Variants in NPEPL1 observed in about 807,000 individuals in gnomAD.
NPEPL1 encodes the protein aminopeptidase like 1.
Under a neutral mutation model 52.4 loss-of-function variants are expected in NPEPL1, and 45 were observed. The observed-to-expected ratio is 0.86, with a 90% CI of 0.68 to 1.10. The LOEUF is 1.10. Ranked by LOEUF, NPEPL1 falls within the 50% of genes least tolerant of loss-of-function variation. NPEPL1 has a pLI of 0.00. For missense variants in NPEPL1, 696 were observed against 710.9 expected, an observed-to-expected ratio of 0.98 and a Z score of 0.24; for synonymous variants, 360 against 314.7, an observed-to-expected ratio of 1.14 and a Z score of -1.52.
At position 58,694,529 on chromosome 20, in the gene NPEPL1, G is replaced by C. The variant is rs374171424; in HGVS notation, c.444G>C (p.Thr148=). The change falls in exon 3 of 12, where the codon ACG becomes ACC. Residue 148 remains threonine (T), a synonymous_variant. Coordinates refer to ENST00000356091, the MANE Select transcript of NPEPL1 (RefSeq NM_024663.4). ...CCTCTCGGCGCTTGGAGAAGAAGAC[G>C]GTCACCGTGGAGTTTTTCCTGGTGG... ...SGASRRLEKK[T]VTVEFFLVGQ... The C allele has an allele frequency of 3.7e-6, 6 of 1,613,982 alleles. No homozygotes were observed. The East Asian group carries it at 1.3e-4, about 36-fold the overall frequency.
chr20:58,714,861 T>G (rs1378938671), intron 11 of NPEPL1, 191 bp downstream of exon 11: 7 of 615,802 alleles, frequency 1.1e-5, no homozygotes, highest in Non-Finnish European at 2.0e-5. Context: ...GTGCGACCCT[T>G]CCCCAGCCAG....
chr20:58,705,999 AATAAG>A (rs1450741880), intron 6 of NPEPL1, among the ~76,000 whole-genome samples: 24 of 152,236 alleles, frequency 1.6e-4, no homozygotes, highest in African/African-American at 3.9e-4. Flanking sequence ...AAGCTTGTGT[AATAAG>A]ATAAGGGTTC....
At chr20:58,701,694 T>TA (rs1375363901) in intron 6 of NPEPL1, among the ~76,000 whole-genome samples, 6 of 152,034 alleles carry the variant, frequency 3.9e-5, no homozygotes, top group Non-Finnish European at 5.9e-5. Context: ...AGGGGACGCC[T>TA]GTGTCTCTGA....
chr20:58,690,815 C>T (rs2084331825), upstream of NPEPL1, among the ~76,000 whole-genome samples: 1 of 152,142 alleles, frequency 6.6e-6, no homozygotes, highest in African/African-American at 2.4e-5. Flanking sequence ...ACCTCTCCAC[C>T]AACAGTTTAT....
chr20:58,710,455 G>A lies in NPEPL1; in HGVS notation c.901-2024G>A, dbSNP rs147806587. Among the ~76,000 whole-genome samples, 1,510 of 152,076 alleles carry A rather than the reference G, an allele frequency of 9.9e-3. 44 individuals carry two copies. Among genetic ancestry groups the A allele is most frequent in the Admixed American group, 0.058 (882 of 15,294 alleles). ...GGAAGGGTACGCCAGGAGCTCGGTG[G>A]CCCTGGGCTCTGGGGGTGTTAGCGA... On this transcript the variant is annotated intron_variant, in intron 7 of 11. Coordinates refer to ENST00000356091, the MANE Select transcript of NPEPL1 (RefSeq NM_024663.4).
At chr20:58,708,450 C>T (rs1021245238) in intron 7 of NPEPL1, among the ~76,000 whole-genome samples, 1 of 151,874 alleles carries the variant, frequency 6.6e-6, no homozygotes, top group South Asian at 2.1e-4. Flanking sequence ...TGGAAACGGC[C>T]TCTTAGGGCT....
At position 58,714,615 on chromosome 20, in the gene NPEPL1, G is replaced by T. The variant is rs760960241; in HGVS notation, c.1358G>T (p.Gly453Val). ...CAGLFIASHI[G>V]FDWPGVWVHL... ...GGCCTCTTCATCGCCTCACACATCG[G>T]CTTCGACTGGCCCGGAGTCTGGGTC... Residue 453 changes from glycine (G) to valine (V), a missense_variant, in exon 11 of 12, where the codon GGC becomes GTC. Transcript: ENST00000356091. 1.9e-6 allele frequency: 3 copies of T among 1,597,414 alleles called. No individual in the cohort carries two copies. Among genetic ancestry groups the T allele is most frequent in the East Asian group, 4.5e-5 (2 of 44,220 alleles).
In NPEPL1 at chr20:58,713,535, G is replaced by A. The variant is rs775112677; in HGVS notation, c.1117G>A (p.Gly373Arg). The A allele has an allele frequency of 1.1e-5, 18 of 1,604,930 alleles. No individual in the cohort carries two copies. Among genetic ancestry groups the A allele is most frequent in the South Asian group, 4.5e-5 (4 of 89,874 alleles). ...DIILDMATLT[G>R]AQGIATGKYH... Reference sequence around the variant, plus strand: ...CATCCTGGACATGGCCACCCTGACCGGGGCTCAGGTGAGTGCTCCCTGGAT... The same window carrying A: ...CATCCTGGACATGGCCACCCTGACCAGGGCTCAGGTGAGTGCTCCCTGGAT... Residue 373 changes from glycine (G) to arginine (R), a missense_variant, in exon 9 of 12, where the codon GGG becomes AGG. Transcript: ENST00000356091. The surrounding 1 kb of genome is among the most constrained non-coding windows in gnomAD (Gnocchi z 4.6).
chr20:58,706,701 T>C (rs769203282), intron 6 of NPEPL1, among the ~76,000 whole-genome samples: 3 of 151,944 alleles, frequency 2.0e-5, no homozygotes, highest in Non-Finnish European at 4.4e-5. Flanking sequence ...AGAGTGGCCC[T>C]GCAGACAGAC....
chr20:58,711,714 A>G (rs949182181), intron 7 of NPEPL1: 3 of 152,762 alleles, frequency 2.0e-5, no homozygotes, highest in African/African-American at 7.2e-5. Context: ...CTGCCCCACC[A>G]TCCCAAGTGT....
upstream of NPEPL1, chr20:58,691,406 GCCT>G: frequency 2.4e-6 from 1 of 425,422 alleles, no homozygotes; most frequent in Non-Finnish European, 4.1e-6. Context: ...TTTTTTGAGT[GCCT>G]GCTCTGTGCC....
At chr20:58,692,143 G>T, upstream of NPEPL1, 1 of 402,238 alleles carries the variant, frequency 2.5e-6, no homozygotes, top group Non-Finnish European at 4.5e-6. The surrounding 1 kb of genome is among the most constrained non-coding windows in gnomAD (Gnocchi z 5.7). Context: ...CATGCAGCCA[G>T]GCAGTGCCTG....
chr20:58,691,364 CTTTTTTTTTTTTTTTTTTTTTTTTT>C (rs59929508), upstream of NPEPL1: 12 of 172,220 alleles, frequency 7.0e-5, no homozygotes, highest in East Asian at 3.9e-4. Context: ...CATTCAACAG[CTTTTTTTTTTTTTTTTTTTTTTTTT>C]TTTTTTTTTT....
intron 6 of NPEPL1, chr20:58,703,758 A>G: frequency 8.1e-6 from 8 of 982,368 alleles, no homozygotes; most frequent in Non-Finnish European, 8.4e-6. Context: ...ACCTGACCAC[A>G]CAGGCCTTCC....
In NPEPL1 at chr20:58,694,274, A is replaced by T. The variant is rs1471893904; in HGVS notation, c.337-148A>T. On this transcript the variant is annotated intron_variant, in intron 2 of 11. Transcript: ENST00000356091. ...GTCCCATGGTTCCGGGGATGACCTG[A>T]GGGATGGGGTGGCGGCTGCTGTGGG... 13 of 768,146 alleles carry T rather than the reference A, an allele frequency of 1.7e-5. No homozygotes were observed. The East Asian group carries it at 3.3e-4, about 19-fold the overall frequency. The allele number at this position is 768,146 out of a possible 1,614,324, so 47.6% of individuals were successfully genotyped here.
In NPEPL1 at chr20:58,710,032, C is replaced by CTTTTTTTT. The variant is rs59087368; in HGVS notation, c.901-2434_901-2427dup. On this transcript the variant is annotated intron_variant, in intron 7 of 11. Coordinates refer to ENST00000356091, the MANE Select transcript of NPEPL1 (RefSeq NM_024663.4). ...AAGGGTGTTGAGGAATTGTTTGTGG[C>CTTTTTTTT]TTTTTTTTTTTTTTTTTTTTCCCCG... Among the ~76,000 whole-genome samples, 3 of 109,454 alleles carry CTTTTTTTT rather than the reference C, an allele frequency of 2.7e-5. 1 individual carries two copies. Among genetic ancestry groups the CTTTTTTTT allele is most frequent in the South Asian group, 2.9e-4 (1 of 3,400 alleles). The allele number at this position is 109,454 out of a possible 152,430, so 71.8% of individuals were successfully genotyped here.
At chr20:58,690,081 T>A (rs1404855263), upstream of NPEPL1, among the ~76,000 whole-genome samples, 1 of 152,216 alleles carries the variant, frequency 6.6e-6, no homozygotes, top group Non-Finnish European at 1.5e-5. Context: ...AACATATAAA[T>A]GTAGATTTCA....
chr20:58,706,909 A>G (rs950833040), intron 6 of NPEPL1, among the ~76,000 whole-genome samples: 4 of 152,168 alleles, frequency 2.6e-5, no homozygotes, highest in African/African-American at 7.2e-5. Flanking sequence ...ATCTATGGCC[A>G]TGACTCCCTG....
chr20:58,691,845 C>T (rs1420364539), upstream of NPEPL1: 4 of 1,515,328 alleles, frequency 2.6e-6, no homozygotes, highest in South Asian at 4.8e-5. Flanking sequence ...CAGATTTTTG[C>T]TTTTAAATGA....
Sources: allele counts gnomAD v4.1 joint callset (sites outside exome capture counted in the v4.1 genomes callset), GRCh38; gene constraint gnomAD v4.1.1; non-coding constraint Gnocchi (gnomAD v3.1); transcripts MANE v1.5; gene names NCBI Gene and HGNC (gene_info 2026-07-23, HGNC 2026-07-21).